Variants in TMEM132B observed in about 807,000 individuals in gnomAD.
The protein encoded by TMEM132B is transmembrane protein 132B.
Under a neutral mutation model 90.8 loss-of-function variants are expected in TMEM132B, and 18 were observed. That is an observed-to-expected ratio of 0.20 (90% CI 0.14 to 0.29). TMEM132B has a LOEUF of 0.29. Ranked by LOEUF, TMEM132B falls within the 10% of genes least tolerant of loss-of-function variation. The pLI is 1.00. For missense variants in TMEM132B, 1,096 were observed against 1,326.8 expected, an observed-to-expected ratio of 0.83 and a Z score of 2.70; for synonymous variants, 504 against 523.3, an observed-to-expected ratio of 0.96 and a Z score of 0.50.
At chr12:125,300,069 T>C (rs1295764341) in intron 1 of TMEM132B, among the ~76,000 whole-genome samples, 1 of 152,232 alleles carries the variant, frequency 6.6e-6, no homozygotes, top group Non-Finnish European at 1.5e-5. Flanking sequence ...CTCGCTGTGC[T>C]TGCTGCCTGC....
At chr12:125,449,985 C>G (rs1337223552) in intron 3 of TMEM132B, among the ~76,000 whole-genome samples, 1 of 152,090 alleles carries the variant, frequency 6.6e-6, no homozygotes. Context: ...AGTGGTATGA[C>G]TTATGATTTC....
chr12:125,638,815 A>G (rs1223348221), intron 5 of TMEM132B, among the ~76,000 whole-genome samples: 3 of 152,202 alleles, frequency 2.0e-5, no homozygotes, highest in Admixed American at 6.5e-5. Flanking sequence ...ACCCAAAGGA[A>G]ACATATTCAC....
At chr12:125,557,007 C>T (rs776480696) in intron 4 of TMEM132B, among the ~76,000 whole-genome samples, 23 of 152,102 alleles carry the variant, frequency 1.5e-4, no homozygotes, top group Non-Finnish European at 2.9e-4. Context: ...GAAGGAAAAA[C>T]GACCCTCTCT....
At chr12:125,584,406 G>A (rs115703801) in intron 5 of TMEM132B, 4 of 177,240 alleles carry the variant, frequency 2.3e-5, no homozygotes, top group Non-Finnish European at 4.8e-5. Context: ...TAAATGCCTT[G>A]CTTCTTTCGG....
chr12:125,349,860 A>G lies in TMEM132B; in HGVS notation c.476A>G (p.Glu159Gly). 1 of 1,613,562 alleles carries G rather than the reference A, an allele frequency of 6.2e-7. No individual in the cohort carries two copies. The highest frequency in any genetic ancestry group is 8.5e-7 in the Non-Finnish European group (1 of 1,179,820). The change falls in exon 2 of 9, where the codon GAA (glutamate) becomes GGA (glycine). Residue 159 changes from glutamate (E) to glycine (G), a missense_variant. Transcript: ENST00000682704. This position sits in a 1 kb window ranked among gnomAD's most constrained non-coding sequence, Gnocchi z 4.1. ...GGCTGGGATGACAGTGACCTTACGG[A>G]AGATCTACCCTGTGTCAAGATGTTT... ...GMGWDDSDLT[E>G]DLPCVKMFAF...
At chr12:125,337,745 C>T (rs10846875) in intron 1 of TMEM132B, among the ~76,000 whole-genome samples, 1 of 152,032 alleles carries the variant, frequency 6.6e-6, no homozygotes, top group Non-Finnish European at 1.5e-5. Context: ...CTATTTTCCC[C>T]TGTTTGGCTA....
intron 1 of TMEM132B, among the ~76,000 whole-genome samples, chr12:125,216,322 C>G (rs937571648): frequency 1.3e-5 from 2 of 152,142 alleles, no homozygotes; most frequent in East Asian, 3.9e-4. Context: ...CTCATGTCTC[C>G]TCTTAAAAGA....
intron 1 of TMEM132B, among the ~76,000 whole-genome samples, chr12:125,290,898 C>T (rs544735446): frequency 6.6e-6 from 1 of 152,096 alleles, no homozygotes; most frequent in Non-Finnish European, 1.5e-5. Flanking sequence ...TCTCCAGGAC[C>T]GTGGATATGA....
At chr12:125,395,970 G>A (rs1879157363) in intron 2 of TMEM132B, among the ~76,000 whole-genome samples, 1 of 152,194 alleles carries the variant, frequency 6.6e-6, no homozygotes. Context: ...CTGTGGCCAG[G>A]GAATGGGAAA....
chr12:125,470,116 ATAAT>A (rs1881670744), intron 3 of TMEM132B, among the ~76,000 whole-genome samples: 1 of 152,198 alleles, frequency 6.6e-6, no homozygotes, highest in Non-Finnish European at 1.5e-5. Flanking sequence ...GATTGTACAG[ATAAT>A]TCTGAGCCAG....
intron 5 of TMEM132B, among the ~76,000 whole-genome samples, chr12:125,627,083 G>A (rs1348376753): frequency 6.6e-6 from 1 of 152,046 alleles, no homozygotes; most frequent in Non-Finnish European, 1.5e-5. Context: ...CTACTGATGA[G>A]TAAATCAAGA....
chr12:125,348,445 C>T (rs1016811398), intron 1 of TMEM132B, among the ~76,000 whole-genome samples: 4 of 152,018 alleles, frequency 2.6e-5, no homozygotes. Flanking sequence ...CTGCCTCAGC[C>T]TCCCAAGTAG....
chr12:125,243,080 T>C, intron 1 of TMEM132B, among the ~76,000 whole-genome samples: 1 of 143,896 alleles, frequency 6.9e-6, no homozygotes, highest in Non-Finnish European at 1.5e-5. Context: ...CATATACATA[T>C]ATACACATAC....
In TMEM132B at chr12:125,324,190, G is replaced by A. The variant is rs1016971168; in HGVS notation, c.68-25262G>A. Reference sequence around the variant, plus strand: ...CAATAACTTTCAAATGCCACAATCCGTGCGTTTGAATAATAATTCTTTGAA... The same window carrying A: ...CAATAACTTTCAAATGCCACAATCCATGCGTTTGAATAATAATTCTTTGAA... On this transcript the variant is annotated intron_variant, in intron 1 of 8. Transcript: ENST00000682704. Among the ~76,000 whole-genome samples, 5 of 152,138 alleles carry A rather than the reference G, an allele frequency of 3.3e-5. 1 individual carries two copies. The highest frequency in any genetic ancestry group is 4.1e-4 in the South Asian group (2 of 4,826).
At chr12:125,522,491 T>TC (rs1240831972) in intron 4 of TMEM132B, among the ~76,000 whole-genome samples, 1 of 152,108 alleles carries the variant, frequency 6.6e-6, no homozygotes, top group Admixed American at 6.5e-5. Flanking sequence ...TCCCTGCCTA[T>TC]CCCCCCAAAG....
At chr12:125,465,122 C>G (rs565958623) in intron 3 of TMEM132B, among the ~76,000 whole-genome samples, 2 of 152,298 alleles carry the variant, frequency 1.3e-5, no homozygotes, top group East Asian at 3.9e-4. Context: ...ATGTTAATCC[C>G]TCAAAATCCT....
At chr12:125,596,758 A>G (rs948238905) in intron 5 of TMEM132B, among the ~76,000 whole-genome samples, 2 of 152,218 alleles carry the variant, frequency 1.3e-5, no homozygotes, top group African/African-American at 2.4e-5. Context: ...CCAAGAGTAT[A>G]TGTTTCCGAG....
At chr12:125,420,061 C>T (rs1880127116) in intron 3 of TMEM132B, among the ~76,000 whole-genome samples, 1 of 152,222 alleles carries the variant, frequency 6.6e-6, no homozygotes. Context: ...CCCTTCCTGG[C>T]TACTTTCATG....
chr12:125,401,463 G>T (rs1879319572), intron 2 of TMEM132B, among the ~76,000 whole-genome samples: 1 of 152,152 alleles, frequency 6.6e-6, no homozygotes, highest in East Asian at 1.9e-4. Flanking sequence ...TTTAGATTGG[G>T]TGGTCTAGGA....
Sources: allele counts gnomAD v4.1 joint callset (sites outside exome capture counted in the v4.1 genomes callset), GRCh38; gene constraint gnomAD v4.1.1; non-coding constraint Gnocchi (gnomAD v3.1); transcripts MANE v1.5; gene names NCBI Gene and HGNC (gene_info 2026-07-23, HGNC 2026-07-21).